The following CERS3 variants were observed in gnomAD, a reference collection of about 807,000 sequenced individuals.
The protein encoded by CERS3 is LAG1 homolog, ceramide synthase 3.
In CERS3, 33 loss-of-function variants were observed where a neutral mutation model predicts 50.3. That is an observed-to-expected ratio of 0.66 (90% CI 0.50 to 0.88). The LOEUF is 0.88. Among genes scored for constraint, CERS3 ranks in the 40% least tolerant of loss-of-function variants. CERS3 has a pLI of 0.00. For synonymous variants in CERS3, 176 were observed against 155.2 expected (o/e 1.13, Z -0.99); for missense variants, 470 against 460.3 (o/e 1.02, Z -0.19).
At chr15:100,478,148 G>A (rs1284029186) in intron 7 of CERS3, among the ~76,000 whole-genome samples, 1 of 152,002 alleles carries the variant, frequency 6.6e-6, no homozygotes, top group Non-Finnish European at 1.5e-5. Context: ...GCTTAAAAGA[G>A]AAAATTTCAG....
rs537304416 is a variant in CERS3 at position 100,438,201 on chromosome 15, C to T, written c.999+17692G>A. On this transcript the variant is annotated intron_variant, in intron 11 of 11. Coordinates refer to ENST00000679737, the MANE Select transcript of CERS3 (RefSeq NM_001378789.1). ...CTGGGGTTACAGGCCCACACCACCA[C>T]GCCCAGCTAATTTTTGTATTTTTAG... Among the ~76,000 whole-genome samples the T allele has an allele frequency of 5.3e-5, 8 of 151,582 alleles. No homozygotes were observed. In the East Asian group the frequency reaches 5.8e-4, roughly 11 times the overall value.
intron 1 of CERS3, among the ~76,000 whole-genome samples, chr15:100,539,902 T>C (rs75032717): frequency 0.015 from 2,262 of 152,254 alleles, 65 homozygotes; most frequent in African/African-American, 0.051. Flanking sequence ...CCTAGGAGGC[T>C]GTTTCCCTTC....
intron 11 of CERS3, among the ~76,000 whole-genome samples, chr15:100,455,134 G>A (rs1478048727): frequency 6.6e-6 from 1 of 152,130 alleles, no homozygotes; most frequent in Non-Finnish European, 1.5e-5. Context: ...CTTATACACT[G>A]TTTGTGGGAA....
In CERS3 at chr15:100,417,823, T is replaced by G. The variant is rs533147001; in HGVS notation, c.1000-14958A>C. ...GAGGCACCCCCCAGCAAGGGCACAC[T>G]GACACCTCACACAGCAGGGTATTCC... On this transcript the variant is annotated intron_variant, in intron 11 of 11. Transcript: ENST00000679737. Among the ~76,000 whole-genome samples, 14 of 151,924 alleles carry G rather than the reference T, an allele frequency of 9.2e-5. 1 individual carries two copies. In the East Asian group the frequency reaches 2.7e-3, roughly 29 times the overall value.
chr15:100,446,660 C>A (rs1269465505), intron 11 of CERS3, among the ~76,000 whole-genome samples: 1 of 152,100 alleles, frequency 6.6e-6, no homozygotes, highest in African/African-American at 2.4e-5. Context: ...GATAGTAACA[C>A]CTAAATGTGA....
intron 11 of CERS3, among the ~76,000 whole-genome samples, chr15:100,450,879 T>C (rs1052738495): frequency 6.6e-6 from 1 of 151,436 alleles, no homozygotes; most frequent in South Asian, 2.1e-4. Flanking sequence ...CAGGGGAAAA[T>C]GGGATGATAT....
chr15:100,423,762 A>G (rs79288946), intron 11 of CERS3, among the ~76,000 whole-genome samples: 4,067 of 152,202 alleles, frequency 0.027, 182 homozygotes, highest in African/African-American at 0.091. Context: ...ACAAAAGTTG[A>G]AAAAGAGCTC....
intron 5 of CERS3, among the ~76,000 whole-genome samples, chr15:100,484,045 A>ACC (rs1463950947): frequency 1.2e-4 from 18 of 151,662 alleles, no homozygotes; most frequent in African/African-American, 4.4e-4. Context: ...TGGGCTGTGC[A>ACC]CCCTACAGGA....
chr15:100,451,786 A>G (rs8033871), intron 11 of CERS3, among the ~76,000 whole-genome samples: 68,997 of 151,908 alleles, frequency 0.45, 16,612 homozygotes, highest in Non-Finnish European at 0.54. Context: ...ATGTAAAAAG[A>G]TAATCCTGCA....
At chr15:100,457,416 G>A (rs2034410697) in intron 10 of CERS3, among the ~76,000 whole-genome samples, 1 of 152,174 alleles carries the variant, frequency 6.6e-6, no homozygotes, top group African/African-American at 2.4e-5. Flanking sequence ...GGACATAAAT[G>A]GAATCATACG....
At chr15:100,457,425 C>T (rs116931689) in intron 10 of CERS3, among the ~76,000 whole-genome samples, 67 of 152,310 alleles carry the variant, frequency 4.4e-4, no homozygotes, top group East Asian at 4.2e-3. Context: ...TGGAATCATA[C>T]GTTGTGTGAG....
chr15:100,462,302 T>C (rs2034573810), intron 10 of CERS3, among the ~76,000 whole-genome samples: 2 of 152,220 alleles, frequency 1.3e-5, no homozygotes, highest in South Asian at 2.1e-4. Flanking sequence ...ATCACTGGAG[T>C]TGGCATGGTT....
intron 8 of CERS3, among the ~76,000 whole-genome samples, chr15:100,473,860 G>A (rs2142249372): frequency 6.6e-6 from 1 of 152,274 alleles, no homozygotes; most frequent in South Asian, 2.1e-4. Context: ...ACTCATAACA[G>A]CCAAATGGAG....
At chr15:100,524,335 C>G (rs183866113) in intron 1 of CERS3, among the ~76,000 whole-genome samples, 9 of 152,162 alleles carry the variant, frequency 5.9e-5, no homozygotes, top group African/African-American at 1.9e-4. Context: ...TTGAAAATCA[C>G]TGCAATAGTG....
intron 2 of CERS3, among the ~76,000 whole-genome samples, chr15:100,517,106 C>G (rs890231647): frequency 6.6e-6 from 1 of 152,206 alleles, no homozygotes; most frequent in African/African-American, 2.4e-5. Context: ...GAAGGTCAGT[C>G]CTGTCACTGA....
Position 100,409,676 on chromosome 15 carries a change from C to T in CERS3, c.1000-6811G>A, listed in dbSNP as rs138208763. Among the ~76,000 whole-genome samples, 668 of 152,208 alleles carry T rather than the reference C, an allele frequency of 4.4e-3. 5 individuals carry two copies. The highest frequency in any genetic ancestry group is 0.015 in the African/African-American group (610 of 41,538). ...TTTGCTCGCAAAATCAGCGTGAGTC[C>T]GTTTCTTTGAATCTACTGGCCTCTT... On this transcript the variant is annotated intron_variant, in intron 11 of 11. Transcript: ENST00000679737.
chr15:100,460,448 AG>A (rs1162995346), intron 10 of CERS3, among the ~76,000 whole-genome samples: 4 of 152,210 alleles, frequency 2.6e-5, no homozygotes, highest in African/African-American at 4.8e-5. Flanking sequence ...GGCTTATTAG[AG>A]GAAATGATAC....
intron 9 of CERS3, among the ~76,000 whole-genome samples, chr15:100,469,769 C>T (rs1344176440): frequency 6.6e-6 from 1 of 152,098 alleles, no homozygotes; most frequent in African/African-American, 2.4e-5. Flanking sequence ...CCACTCGTGT[C>T]TTTTGAAAAC....
At chr15:100,482,068 C>T (rs564568643) in intron 5 of CERS3, among the ~76,000 whole-genome samples, 1 of 152,292 alleles carries the variant, frequency 6.6e-6, no homozygotes, top group East Asian at 1.9e-4. Flanking sequence ...CACAAATGCT[C>T]TTTGGCATTT....
Sources: allele counts gnomAD v4.1 joint callset (sites outside exome capture counted in the v4.1 genomes callset), GRCh38; gene constraint gnomAD v4.1.1; transcripts MANE v1.5; gene names NCBI Gene and HGNC (gene_info 2026-07-23, HGNC 2026-07-21).